Variants in RSF1 observed in about 807,000 individuals in gnomAD.
RSF1 encodes HBV pX-associated protein 8.
RSF1 carries 13 observed loss-of-function variants against 145.2 expected under a neutral mutation model. The ratio of observed to expected loss-of-function variants is 0.09; its 90% CI spans 0.06 to 0.14. The LOEUF (loss-of-function observed/expected upper bound fraction) is 0.14. Among genes scored for constraint, RSF1 ranks in the 10% least tolerant of loss-of-function variants. RSF1 has a pLI of 1.00. For missense variants in RSF1, 1,517 were observed against 1,718.2 expected, an observed-to-expected ratio of 0.88 and a Z score of 2.07; for synonymous variants, 577 against 592.6, an observed-to-expected ratio of 0.97 and a Z score of 0.38.
rs1301264079 is a variant in RSF1, at chr11:77,661,675, C to T, written c.*5242G>A. 4 of 151,620 alleles carry T rather than the reference C, an allele frequency of 2.6e-5. No individual in the cohort carries two copies. The highest frequency in any genetic ancestry group is 6.6e-5 in the Admixed American group (1 of 15,182). The allele number at this position is 151,620 out of a possible 1,614,324, so 9.4% of individuals were successfully genotyped here. A position where few individuals can be genotyped will look rare whatever the true frequency, so the allele number is the denominator to read the frequency against. ...AACACAATTGTAAAAAATCTACATCCTATTTTAGGGTATTTTCCCACCTCC... is the reference window on the plus strand; with the variant it reads ...AACACAATTGTAAAAAATCTACATCTTATTTTAGGGTATTTTCCCACCTCC... On this transcript the variant is annotated 3_prime_UTR_variant, in exon 16 of 16. Transcript: ENST00000308488.
In RSF1 at chr11:77,725,602, C is replaced by G. The variant is rs1178867181; in HGVS notation, c.676G>C (p.Glu226Gln). 2.5e-6 allele frequency: 4 copies of G among 1,609,714 alleles called. No individual in the cohort carries two copies. In the Admixed American group the frequency reaches 6.7e-5, roughly 27 times the overall value. Residue 226 changes from glutamate (E) to glutamine (Q), a missense_variant, in exon 5 of 16, where the codon GAA (glutamate) becomes CAA (glutamine). Transcript: ENST00000308488. ...TCCTCATCCTCTAAGCTGGGACTTT[C>G]CCGAGAAGAGTTGTCTTGTTGGCTA... ...NSSQQDNSSR[E>Q]SPSLEDEETK...
At chr11:77,847,473 G>A in the RSF1 span, among the ~76,000 whole-genome samples, 2 of 152,270 alleles carry the variant, frequency 1.3e-5, no homozygotes, top group South Asian at 4.1e-4. Context: ...TGCACTCATT[G>A]ATGATTGTGA....
intron 1 of RSF1, among the ~76,000 whole-genome samples, chr11:77,796,848 A>T (rs1461777218): frequency 2.6e-5 from 4 of 152,190 alleles, no homozygotes; most frequent in Admixed American, 6.5e-5. Context: ...AATCACAAGC[A>T]TTCCTATACA....
chr11:77,734,450 C>T (rs528454756), intron 4 of RSF1: 484 of 1,550,446 alleles, frequency 3.1e-4, no homozygotes, highest in Non-Finnish European at 4.1e-4. Context: ...AGTCACCCCA[C>T]GGCTACGGGG....
chr11:77,860,012 C>T, the RSF1 span, among the ~76,000 whole-genome samples: 1 of 152,166 alleles, frequency 6.6e-6, no homozygotes, highest in Non-Finnish European at 1.5e-5. Flanking sequence ...CTGCCATTAC[C>T]CATAAACAAT....
At chr11:77,735,168 G>A in intron 4 of RSF1, 1 of 699,576 alleles carries the variant, frequency 1.4e-6, no homozygotes. Context: ...TGGGGGACGA[G>A]CACCGGGTTC....
At chr11:77,820,292 C>T (rs1948848708) in intron 1 of RSF1, among the ~76,000 whole-genome samples, 1 of 152,216 alleles carries the variant, frequency 6.6e-6, no homozygotes, top group Admixed American at 6.5e-5. Flanking sequence ...TAGCCCGCAA[C>T]GCCTCCACCT....
At chr11:77,716,903 C>G (rs1040316647) in intron 5 of RSF1, among the ~76,000 whole-genome samples, 2 of 152,092 alleles carry the variant, frequency 1.3e-5, no homozygotes, top group Admixed American at 6.5e-5. Flanking sequence ...CCCAGCCAGG[C>G]ATGCTGGCTC....
At chr11:77,859,930 C>T in the RSF1 span, among the ~76,000 whole-genome samples, 1 of 152,148 alleles carries the variant, frequency 6.6e-6, no homozygotes, top group African/African-American at 2.4e-5. Context: ...GTATGCCGTT[C>T]ACATCATGAG....
At chr11:77,727,475 T>A (rs1961083755) in intron 4 of RSF1, among the ~76,000 whole-genome samples, 1 of 140,822 alleles carries the variant, frequency 7.1e-6, no homozygotes, top group South Asian at 2.2e-4. Flanking sequence ...TTCCACTACT[T>A]TTTTTTTTTT....
chr11:77,784,894 G>C (rs1369204571), intron 1 of RSF1, among the ~76,000 whole-genome samples: 1 of 152,204 alleles, frequency 6.6e-6, no homozygotes, highest in Middle Eastern at 3.2e-3. Context: ...ATACGACCTA[G>C]TCTTCAGCAA....
At chr11:77,727,424 G>GT (rs1009618130) in intron 4 of RSF1, among the ~76,000 whole-genome samples, 21 of 150,366 alleles carry the variant, frequency 1.4e-4, no homozygotes, top group African/African-American at 5.1e-4. Flanking sequence ...GCTTCAAAAC[G>GT]TAAGAGAGCT....
the RSF1 span, among the ~76,000 whole-genome samples, chr11:77,836,792 G>T: frequency 1.3e-5 from 2 of 152,014 alleles, no homozygotes; most frequent in African/African-American, 4.8e-5. Context: ...ATGGAGAAAC[G>T]CCATCTCTAC....
chr11:77,851,165 G>A, the RSF1 span, among the ~76,000 whole-genome samples: 680 of 152,160 alleles, frequency 4.5e-3, 4 homozygotes, highest in African/African-American at 0.016. Context: ...ATCTTGGCCA[G>A]GCTGGTCTTG....
At chr11:77,848,701 TA>T in the RSF1 span, among the ~76,000 whole-genome samples, 1 of 152,204 alleles carries the variant, frequency 6.6e-6, no homozygotes, top group African/African-American at 2.4e-5. Flanking sequence ...AGAAGTTATA[TA>T]ACTTGTGTAG....
chr11:77,779,102 C>T (rs1189469644), intron 1 of RSF1, among the ~76,000 whole-genome samples: 2 of 152,124 alleles, frequency 1.3e-5, no homozygotes, highest in East Asian at 3.9e-4. Flanking sequence ...CACCACCATG[C>T]CCAGCTAATT....
At chr11:77,839,308 T>TTTTG in the RSF1 span, among the ~76,000 whole-genome samples, 1 of 152,118 alleles carries the variant, frequency 6.6e-6, no homozygotes, top group Non-Finnish European at 1.5e-5. Context: ...CTTGGCTTTT[T>TTTTG]TTTGTTTGTT....
chr11:77,707,352 T>C (rs1460202930), intron 5 of RSF1, among the ~76,000 whole-genome samples: 2 of 152,226 alleles, frequency 1.3e-5, no homozygotes, highest in Non-Finnish European at 2.9e-5. Context: ...TGTAAAGCAA[T>C]ATTTAATTAA....
At chr11:77,684,844 C>T (rs1416487209) in intron 10 of RSF1, among the ~76,000 whole-genome samples, 2 of 151,984 alleles carry the variant, frequency 1.3e-5, no homozygotes, top group East Asian at 1.9e-4. Flanking sequence ...AAAAATTAGC[C>T]GGTATGGTGG....
Sources: gnomAD v4.1 joint callset for allele counts (sites outside exome capture counted in the v4.1 genomes callset) on GRCh38, gnomAD v4.1.1 for gene constraint, MANE v1.5 for transcripts, NCBI Gene and HGNC (gene_info 2026-07-23, HGNC 2026-07-21) for gene names.